Variants in ZDHHC2 observed in about 807,000 individuals in gnomAD.
ZDHHC2 encodes zDHHC palmitoyltransferase 2.
ZDHHC2 carries 51 observed loss-of-function variants against 55.6 expected under a neutral mutation model. The ratio of observed to expected loss-of-function variants is 0.92; its 90% confidence interval spans 0.73 to 1.16. ZDHHC2 has a LOEUF of 1.16. Among genes scored for constraint, ZDHHC2 ranks in the 50% most tolerant of loss-of-function variants. The pLI, the probability that ZDHHC2 is intolerant of heterozygous loss-of-function variation, is 0.00. For synonymous variants in ZDHHC2, 199 were observed against 152.9 expected, an observed-to-expected ratio of 1.30 and a Z score of -2.22; for missense variants, 491 against 442.4, an observed-to-expected ratio of 1.11 and a Z score of -0.99.
At chr8:17,164,251 A>G (rs1427527384) in intron 1 of ZDHHC2, among the ~76,000 whole-genome samples, 1 of 152,106 alleles carries the variant, frequency 6.6e-6, no homozygotes, top group Non-Finnish European at 1.5e-5. Flanking sequence ...AAGTGTTATA[A>G]AATCCATTTT....
rs894004298 is a variant in ZDHHC2 at position 17,224,164 on chromosome 8, A to G, written c.*3943A>G. The G allele has an allele frequency of 6.6e-6, 1 of 151,766 alleles. No individual in the cohort carries two copies. The highest frequency in any genetic ancestry group is 1.9e-4 in the East Asian group (1 of 5,186). 9.4% of individuals were successfully genotyped at this position (151,766 alleles called of 1,614,324 possible). ...TCTTATACCAGCAAAAAGTTCAAATACAATAACCTGGGCAATGCCAACAGA... is the reference window on the plus strand; with the variant it reads ...TCTTATACCAGCAAAAAGTTCAAATGCAATAACCTGGGCAATGCCAACAGA... On this transcript the variant is annotated 3_prime_UTR_variant, in exon 13 of 13. Transcript: ENST00000262096.
At position 17,223,618 on chromosome 8, in the gene ZDHHC2, C is replaced by G. The variant is rs1025635679; in HGVS notation, c.*3397C>G. ...TACAAAGATACCATTAGAATTTTCT[C>G]ACTGTCTTGGTAAAAATTCCTAGAT... On this transcript the variant is annotated 3_prime_UTR_variant, in exon 13 of 13. Transcript: ENST00000262096. 2 of 151,544 alleles carry G rather than the reference C, an allele frequency of 1.3e-5. No homozygotes were observed. The highest frequency in any genetic ancestry group is 6.6e-5 in the Admixed American group (1 of 15,210). 9.4% of individuals were successfully genotyped at this position (151,544 alleles called of 1,614,324 possible).
intron 6 of ZDHHC2, 56 bp from the exon 7 acceptor site, chr8:17,205,599 G>T: frequency 4.7e-6 from 7 of 1,501,828 alleles, no homozygotes; most frequent in Non-Finnish European, 6.2e-6. Flanking sequence ...TTGAGCATAT[G>T]CACATGTAGG....
intron 6 of ZDHHC2, among the ~76,000 whole-genome samples, chr8:17,199,546 T>TCTTCGTCTTCGTCTTGTCTTCTGTCTTC (rs1806566009): frequency 4.9e-5 from 2 of 40,668 alleles, no homozygotes; most frequent in East Asian, 9.7e-4. Context: ...CTTCGTCTTC[T>TCTTCGTCTTCGTCTTGTCTTCTGTCTTC]GTCTTCGTCT....
Position 17,184,817 on chromosome 8 carries a change from T to C in ZDHHC2, c.157+2T>C, listed in dbSNP as rs887345754. ...CCATGGAAAACACTGGCGAACAAGG[T>C]AAGCTAGATTATATTAATGTTATAG... On this transcript the variant is annotated splice_donor_variant, in intron 2 of 12. Coordinates refer to ENST00000262096, the MANE Select transcript of ZDHHC2 (RefSeq NM_016353.5). LOFTEE classifies it high-confidence loss of function. 15 of 1,546,948 alleles carry C rather than the reference T, an allele frequency of 9.7e-6. No homozygotes were observed. Among genetic ancestry groups the C allele is most frequent in the Non-Finnish European group, 1.3e-5 (15 of 1,144,914 alleles).
intron 1 of ZDHHC2, among the ~76,000 whole-genome samples, chr8:17,157,957 C>G (rs377159068): frequency 1.3e-5 from 2 of 152,114 alleles, no homozygotes; most frequent in Admixed American, 6.5e-5. Flanking sequence ...AAATGTTGCG[C>G]CTTGTGAGAA....
intron 6 of ZDHHC2, among the ~76,000 whole-genome samples, chr8:17,201,632 A>C (rs62497332): frequency 6.9e-6 from 1 of 144,236 alleles, no homozygotes; most frequent in African/African-American, 2.6e-5. Context: ...AGCTGGGACT[A>C]TAGGCGCCCA....
At chr8:17,187,746 T>C (rs766895729) in intron 3 of ZDHHC2, among the ~76,000 whole-genome samples, 20 of 152,292 alleles carry the variant, frequency 1.3e-4, no homozygotes, top group Non-Finnish European at 2.4e-4. Flanking sequence ...TCATCCACTC[T>C]GGTAGTTTAC....
intron 1 of ZDHHC2, among the ~76,000 whole-genome samples, chr8:17,176,355 T>C (rs1406019528): frequency 1.3e-5 from 2 of 152,192 alleles, no homozygotes; most frequent in African/African-American, 2.4e-5. Flanking sequence ...CCTTTGCTTC[T>C]ATTTTGAAGC....
intron 11 of ZDHHC2, among the ~76,000 whole-genome samples, chr8:17,215,653 G>GA (rs1807611670): frequency 6.6e-6 from 1 of 152,036 alleles, no homozygotes; most frequent in Non-Finnish European, 1.5e-5. Context: ...GTATAAAAAT[G>GA]AAAAAACTAC....
intron 10 of ZDHHC2, among the ~76,000 whole-genome samples, chr8:17,213,700 A>G (rs1013056010): frequency 5.3e-5 from 8 of 152,202 alleles, no homozygotes; most frequent in African/African-American, 1.4e-4. Flanking sequence ...CTCAATAAAC[A>G]TTGTTCAGTG....
At chr8:17,162,755 G>A (rs1184608809) in intron 1 of ZDHHC2, 1 of 152,182 alleles carries the variant, frequency 6.6e-6, no homozygotes, top group African/African-American at 2.4e-5. Context: ...CTTTCCGGAT[G>A]CCATTTCCAC....
chr8:17,206,430 C>G (rs1807105320), intron 7 of ZDHHC2, among the ~76,000 whole-genome samples: 1 of 152,140 alleles, frequency 6.6e-6, no homozygotes, highest in Non-Finnish European at 1.5e-5. Context: ...AAACCTAACC[C>G]TGTATCTTCC....
At chr8:17,192,538 G>T (rs532012407) in intron 3 of ZDHHC2, among the ~76,000 whole-genome samples, 1 of 152,076 alleles carries the variant, frequency 6.6e-6, no homozygotes, top group Non-Finnish European at 1.5e-5. Flanking sequence ...TTATCAAATG[G>T]GGAGTTGCCA....
In ZDHHC2 at chr8:17,156,795, G is replaced by A. The variant is rs769914287; in HGVS notation, c.72G>A (p.Val24=). 1 of 1,522,744 alleles carries A rather than the reference G, an allele frequency of 6.6e-7. No homozygotes were observed. Among genetic ancestry groups the A allele is most frequent in the South Asian group, 1.2e-5 (1 of 81,568 alleles). 94.3% of individuals were successfully genotyped at this position (1,522,744 alleles called of 1,614,324 possible). ...GGGTGCTGTACTGGATCCCGGTGGT[G>A]TTCATCACCCTCCTGCTCGGCTGGT... is the stretch of plus-strand genomic sequence containing the variant. ...CRRVLYWIPV[V]FITLLLGWSY... is the part of the protein sequence containing the mutation. Residue 24 remains valine, a synonymous_variant, in exon 1 of 13, where the codon GTG becomes GTA. Coordinates refer to ENST00000262096, the MANE Select transcript of ZDHHC2 (RefSeq NM_016353.5).
In ZDHHC2 at chr8:17,220,848, T is replaced by C. The variant is rs1025815079; in HGVS notation, c.*627T>C. ...CACTTAATTCCAGCCTTTTGTTTTCTGCTGGAAAATAAGTGTGGACATTGA... is the reference window on the plus strand; with the variant it reads ...CACTTAATTCCAGCCTTTTGTTTTCCGCTGGAAAATAAGTGTGGACATTGA... On this transcript the variant is annotated 3_prime_UTR_variant, in exon 13 of 13. Transcript: ENST00000262096. 1 of 152,208 alleles carries C rather than the reference T, an allele frequency of 6.6e-6. No homozygotes were observed. The highest frequency in any genetic ancestry group is 6.5e-5 in the Admixed American group (1 of 15,284). 9.4% of individuals were successfully genotyped at this position (152,208 alleles called of 1,614,324 possible).
chr8:17,208,633 G>A (rs1241755964), intron 8 of ZDHHC2, among the ~76,000 whole-genome samples: 1 of 151,948 alleles, frequency 6.6e-6, no homozygotes, highest in African/African-American at 2.4e-5. Context: ...TAATTACAGT[G>A]GGTAGTCAAT....
In ZDHHC2 at chr8:17,207,739, A is replaced by G. The variant is rs906661638; in HGVS notation, c.598-221A>G. Among the ~76,000 whole-genome samples the G allele has an allele frequency of 6.6e-5, 10 of 152,208 alleles. No homozygotes were observed. The East Asian group carries it at 7.7e-4, about 12-fold the overall frequency. On this transcript the variant is annotated intron_variant, in intron 7 of 12. Transcript: ENST00000262096. ...TATGAAAAACACAGTTTATATTCCA[A>G]ATTTTAATATCATTTTCATATATAT...
chr8:17,156,945 C>T (rs1383421534), intron 1 of ZDHHC2, 92 bp downstream of exon 1: 4 of 1,238,278 alleles, frequency 3.2e-6, no homozygotes, highest in East Asian at 3.4e-5. Flanking sequence ...TCTCGCCCCC[C>T]GGATGCGCCC....
Sources: allele counts gnomAD v4.1 joint callset (sites outside exome capture counted in the v4.1 genomes callset), GRCh38; gene constraint gnomAD v4.1.1; transcripts MANE v1.5; gene names NCBI Gene and HGNC (gene_info 2026-07-23, HGNC 2026-07-21).